Variants in NKAIN2 observed in about 807,000 individuals in gnomAD.
NKAIN2 encodes the protein sodium/potassium-transporting ATPase subunit beta-1-interacting protein 2.
A neutral mutation model predicts 32.6 loss-of-function variants in NKAIN2; 14 were observed. The observed-to-expected ratio is 0.43, with a 90% confidence interval of 0.28 to 0.67. The LOEUF (loss-of-function observed/expected upper bound fraction) is 0.67, where lower values mean the gene tolerates loss of function less well. Among genes scored for constraint, NKAIN2 ranks in the 30% least tolerant of loss-of-function variants. The probability of loss-of-function intolerance (pLI) is 0.17; values close to 1 mark genes in which losing one functional copy is unlikely to be tolerated. For synonymous variants in NKAIN2, 80 were observed against 87.2 expected, an observed-to-expected ratio of 0.92 and a Z score of 0.46; for missense variants, 198 against 258.3, an observed-to-expected ratio of 0.77 and a Z score of 1.60.
chr6:123,978,505 A>C (rs749079376), intron 1 of NKAIN2, among the ~76,000 whole-genome samples: 2 of 152,200 alleles, frequency 1.3e-5, no homozygotes, highest in Non-Finnish European at 1.5e-5. Flanking sequence ...GTCAGTGATA[A>C]TCCTAACCAC....
At chr6:124,449,037 C>G (rs1209854842) in intron 3 of NKAIN2, among the ~76,000 whole-genome samples, 1 of 152,018 alleles carries the variant, frequency 6.6e-6, no homozygotes, top group Non-Finnish European at 1.5e-5. Flanking sequence ...AATGACTATG[C>G]TCCATAAATT....
chr6:124,070,534 A>G (rs1447060396), intron 1 of NKAIN2, among the ~76,000 whole-genome samples: 3 of 152,162 alleles, frequency 2.0e-5, no homozygotes, highest in Non-Finnish European at 4.4e-5. Flanking sequence ...CATTTAGCTC[A>G]TGGCTTTCTG....
intron 5 of NKAIN2, among the ~76,000 whole-genome samples, chr6:124,803,773 C>A (rs1029361490): frequency 1.3e-5 from 2 of 152,144 alleles, no homozygotes; most frequent in African/African-American, 2.4e-5. Context: ...AGCCTTGTCT[C>A]CATCTACTCT....
At chr6:123,832,061 C>T (rs974461001) in intron 1 of NKAIN2, among the ~76,000 whole-genome samples, 21 of 152,044 alleles carry the variant, frequency 1.4e-4, no homozygotes, top group Non-Finnish European at 2.6e-4. Flanking sequence ...GCATAGTGGC[C>T]AGTATCCATC....
At chr6:124,146,634 A>C (rs916399315) in intron 1 of NKAIN2, among the ~76,000 whole-genome samples, 3 of 152,228 alleles carry the variant, frequency 2.0e-5, no homozygotes, top group African/African-American at 4.8e-5. Flanking sequence ...ATTAGCATGA[A>C]TAACCTGTGT....
chr6:124,100,972 A>G (rs556650404), intron 1 of NKAIN2, among the ~76,000 whole-genome samples: 1 of 152,314 alleles, frequency 6.6e-6, no homozygotes, highest in Non-Finnish European at 1.5e-5. Flanking sequence ...CACAGGTGCT[A>G]TATTTACTGG....
intron 3 of NKAIN2, among the ~76,000 whole-genome samples, chr6:124,449,230 AT>A (rs981101973): frequency 1.3e-5 from 2 of 151,402 alleles, no homozygotes; most frequent in South Asian, 2.1e-4. Context: ...GTGTGTTTTA[AT>A]TTTTTTTTCC....
intron 3 of NKAIN2, among the ~76,000 whole-genome samples, chr6:124,435,999 C>T (rs532092269): frequency 6.6e-6 from 1 of 152,084 alleles, no homozygotes; most frequent in East Asian, 1.9e-4. Context: ...ACGAAATATT[C>T]ACTTTATTAC....
At position 123,808,210 on chromosome 6, in the gene NKAIN2, C is replaced by T. The variant is rs113662634; in HGVS notation, c.54+3956C>T. ...CCTGGTATACTTCTGACAAGTTTGA[C>T]GGTTTTTCAGAAGTTTATAACTTTA... On this transcript the variant is annotated intron_variant, in intron 1 of 6. Coordinates refer to ENST00000368417, the MANE Select transcript of NKAIN2 (RefSeq NM_001040214.3). Among the ~76,000 whole-genome samples the T allele has an allele frequency of 1.2e-3, 180 of 152,192 alleles. 1 individual carries two copies. The highest frequency in any genetic ancestry group is 4.0e-3 in the African/African-American group (165 of 41,546).
chr6:124,635,475 T>A (rs1783739990), intron 3 of NKAIN2, among the ~76,000 whole-genome samples: 2 of 152,148 alleles, frequency 1.3e-5, no homozygotes, highest in Admixed American at 1.3e-4. Context: ...CACCTATTAA[T>A]AACAACCTTG....
intron 5 of NKAIN2, among the ~76,000 whole-genome samples, chr6:124,814,198 T>C (rs1467755970): frequency 6.6e-6 from 1 of 152,132 alleles, no homozygotes; most frequent in Non-Finnish European, 1.5e-5. Flanking sequence ...TTAACTGTAA[T>C]GGTTGGTTGG....
At chr6:124,186,299 T>A (rs1454274327) in intron 1 of NKAIN2, among the ~76,000 whole-genome samples, 3 of 151,678 alleles carry the variant, frequency 2.0e-5, no homozygotes, top group Non-Finnish European at 2.9e-5. Flanking sequence ...AGAGAATAGC[T>A]GGGCATGGTG....
intron 1 of NKAIN2, among the ~76,000 whole-genome samples, chr6:123,932,780 T>TC (rs1183860985): frequency 6.6e-6 from 1 of 151,492 alleles, no homozygotes; most frequent in Non-Finnish European, 1.5e-5. Context: ...CTTTTTTTTT[T>TC]TTTTAATTTC....
rs141265238 is a variant in NKAIN2, at chr6:123,836,670, A to G, written c.54+32416A>G. 1.1e-3 allele frequency among the ~76,000 whole-genome samples: 172 copies of G among 152,226 alleles called. 2 individuals are homozygous for G. The highest frequency in any genetic ancestry group is 4.0e-3 in the African/African-American group (166 of 41,550). On this transcript the variant is annotated intron_variant, in intron 1 of 6. Coordinates refer to ENST00000368417, the MANE Select transcript of NKAIN2 (RefSeq NM_001040214.3). ...AAAAAAAAGGTGACATTAGTGGAAA[A>G]CACGGTGAAATCTGAATTATGTCTG...
chr6:124,431,092 G>C (rs1775199501), intron 3 of NKAIN2, among the ~76,000 whole-genome samples: 2 of 152,134 alleles, frequency 1.3e-5, no homozygotes, highest in Non-Finnish European at 2.9e-5. Context: ...CTAATTCCTA[G>C]AGAGATTTTA....
intron 3 of NKAIN2, among the ~76,000 whole-genome samples, chr6:124,400,225 A>C (rs1322011448): frequency 6.6e-6 from 1 of 152,156 alleles, no homozygotes; most frequent in Non-Finnish European, 1.5e-5. Flanking sequence ...TAATTTAATT[A>C]GTCTGAGCTA....
chr6:123,819,919 A>G (rs1484256166), intron 1 of NKAIN2, among the ~76,000 whole-genome samples: 6 of 152,180 alleles, frequency 3.9e-5, no homozygotes, highest in Non-Finnish European at 8.8e-5. Context: ...CTTAAAATAG[A>G]GGAACGAAAA....
chr6:124,728,250 T>C (rs1331875067), intron 4 of NKAIN2, among the ~76,000 whole-genome samples: 2 of 109,694 alleles, frequency 1.8e-5, no homozygotes, highest in African/African-American at 7.0e-5. Flanking sequence ...ATCAACAGAA[T>C]ATACATTTTT....
At chr6:123,885,829 A>T (rs2114350051) in intron 1 of NKAIN2, among the ~76,000 whole-genome samples, 1 of 152,166 alleles carries the variant, frequency 6.6e-6, no homozygotes, top group Non-Finnish European at 1.5e-5. Flanking sequence ...TAAGAAATAC[A>T]ATTTAAAAAA....
Sources: gnomAD v4.1 joint callset for allele counts (sites outside exome capture counted in the v4.1 genomes callset) on GRCh38, gnomAD v4.1.1 for gene constraint, MANE v1.5 for transcripts, NCBI Gene and HGNC (gene_info 2026-07-23, HGNC 2026-07-21) for gene names.